The following SLC10A2 variants were observed in gnomAD, a reference collection of about 807,000 sequenced individuals.
SLC10A2 encodes solute carrier family 10 member 2.
Under a neutral mutation model 27.1 loss-of-function variants are expected in SLC10A2, and 34 were observed. The observed-to-expected ratio is 1.26, with a 90% CI of 0.96 to 1.67. The LOEUF is 1.67. Ranked by LOEUF, SLC10A2 falls within the 40% of genes most tolerant of loss-of-function variation. The pLI, the probability that SLC10A2 is intolerant of heterozygous loss-of-function variation, is 0.00. For synonymous variants in SLC10A2, 205 were observed against 174.0 expected, an observed-to-expected ratio of 1.18 and a Z score of -1.40; for missense variants, 530 against 444.4, an observed-to-expected ratio of 1.19 and a Z score of -1.73.
At chr13:103,057,794 G>T (rs1875983151) in intron 2 of SLC10A2, among the ~76,000 whole-genome samples, 2 of 152,026 alleles carry the variant, frequency 1.3e-5, no homozygotes, top group Admixed American at 6.5e-5. Flanking sequence ...CAGGAGAATT[G>T]CTTGAACCCA....
rs115332419 is a variant in SLC10A2 at position 103,057,494 on chromosome 13, G to A, written c.496+770C>T. 5.5e-3 allele frequency among the ~76,000 whole-genome samples: 831 copies of A among 152,314 alleles called. 8 individuals are homozygous for A. The highest frequency in any genetic ancestry group is 0.019 in the African/African-American group (795 of 41,558). On this transcript the variant is annotated intron_variant, in intron 2 of 5. Coordinates refer to ENST00000245312, the MANE Select transcript of SLC10A2 (RefSeq NM_000452.3). ...GTCAAGGTGTGGCTCACAGTCGAGT[G>A]TTAGAAACAGTGTGTTTCGTCTAGC...
chr13:103,051,625 G>A (rs1276850483), intron 3 of SLC10A2, among the ~76,000 whole-genome samples, 193 bp from the exon 4 acceptor site: 2 of 152,180 alleles, frequency 1.3e-5, no homozygotes, highest in African/African-American at 2.4e-5. Flanking sequence ...CATGCTTTAA[G>A]CTTTAAGAAC....
intron 2 of SLC10A2, among the ~76,000 whole-genome samples, chr13:103,057,488 T>C (rs1227757974): frequency 6.6e-6 from 1 of 152,226 alleles, no homozygotes; most frequent in Non-Finnish European, 1.5e-5. Context: ...TGGCTCACAG[T>C]CGAGTGTTAG....
At position 103,052,720 on chromosome 13, in the gene SLC10A2, A is replaced by G. The variant is rs1159629725; in HGVS notation, c.497-12T>C. 2 of 1,510,762 alleles carry G rather than the reference A, an allele frequency of 1.3e-6. No individual in the cohort carries two copies. Among genetic ancestry groups the G allele is most frequent in the African/African-American group, 1.4e-5 (1 of 72,756 alleles). The allele number at this position is 1,510,762 out of a possible 1,614,324, so 93.6% of individuals were successfully genotyped here. ...AACCAGAGATGTACCTAAAGATGAC[A>G]GAAGGGCAATGTGATCAGCAGAACA... On this transcript the variant is annotated splice_polypyrimidine_tract_variant and intron_variant, in intron 2 of 5. Coordinates refer to ENST00000245312, the MANE Select transcript of SLC10A2 (RefSeq NM_000452.3).
intron 3 of SLC10A2, among the ~76,000 whole-genome samples, chr13:103,051,876 G>A (rs1387288172): frequency 6.6e-6 from 1 of 152,130 alleles, no homozygotes; most frequent in Non-Finnish European, 1.5e-5. Context: ...TTACGATAAT[G>A]AGAAAATGGG....
chr13:103,046,028 T>A lies in SLC10A2; in HGVS notation c.*105A>T. On this transcript the variant is annotated 3_prime_UTR_variant, in exon 6 of 6. Transcript: ENST00000245312. The stretch of plus-strand genomic sequence containing the variant: ...ATGAATTCCAATGAAATTCCAATTT[T>A]CACTTTAACTCTTTTCTGCCAACTG... The A allele has an allele frequency of 1.4e-6, 2 of 1,414,196 alleles. No individual in the cohort carries two copies. The highest frequency in any genetic ancestry group is 2.0e-6 in the Non-Finnish European group (2 of 1,010,458). The allele number at this position is 1,414,196 out of a possible 1,614,324, so 87.6% of individuals were successfully genotyped here.
rs906258398 is a variant in SLC10A2, at chr13:103,047,036, T to C, written c.920-776A>G. ...ATCTGATTTTTCTTCTACTTCTCAA[T>C]TGGTCACAAAGGCAAGAGGAGGACA... On this transcript the variant is annotated intron_variant, in intron 5 of 5. Coordinates refer to ENST00000245312, the MANE Select transcript of SLC10A2 (RefSeq NM_000452.3). Among the ~76,000 whole-genome samples, 33 of 152,308 alleles carry C rather than the reference T, an allele frequency of 2.2e-4. 1 individual carries two copies. The highest frequency in any genetic ancestry group is 2.1e-4 in the South Asian group (1 of 4,824).
intron 4 of SLC10A2, 51 bp from the exon 5 acceptor site, chr13:103,049,497 A>G: frequency 6.3e-7 from 1 of 1,589,718 alleles, no homozygotes. Flanking sequence ...GTTATTGTGA[A>G]ACATGAAAAG....
At chr13:103,056,240 G>T (rs1347377206) in intron 2 of SLC10A2, among the ~76,000 whole-genome samples, 2 of 152,172 alleles carry the variant, frequency 1.3e-5, no homozygotes, top group Non-Finnish European at 2.9e-5. Flanking sequence ...TGAGGAACAA[G>T]TATTCTGTTT....
At position 103,045,875 on chromosome 13, in the gene SLC10A2, G is replaced by C; in HGVS notation, c.*258C>G. The C allele has an allele frequency of 3.3e-6, 1 of 299,082 alleles. No individual in the cohort carries two copies. The allele number at this position is 299,082 out of a possible 1,614,324, so 18.5% of individuals were successfully genotyped here. The stretch of plus-strand genomic sequence containing the variant: ...GGTTTAGTCTGAGAATATTTTGGGG[G>C]AATATTTCAATGACAATATATCTAT... On this transcript the variant is annotated 3_prime_UTR_variant, in exon 6 of 6. Transcript: ENST00000245312.
chr13:103,061,187 G>A (rs893100346), intron 1 of SLC10A2, among the ~76,000 whole-genome samples: 30 of 146,844 alleles, frequency 2.0e-4, no homozygotes, highest in African/African-American at 7.7e-4. Context: ...GGTAAATTTA[G>A]GCATGAAATA....
Position 103,065,971 on chromosome 13 carries a change from G to C in SLC10A2, c.279C>G (p.Leu93=). Residue 93 remains leucine, a synonymous_variant, in exon 1 of 6, where the codon CTC becomes CTG. Transcript: ENST00000245312. ...GFILSVAFDI[L]PLQAVVVLII... ...TGAGCACCACTACGGCCTGGAGCGG[G>C]AGGATGTCAAAGGCCACCGACAGGA... 1 of 1,614,146 alleles carries C rather than the reference G, an allele frequency of 6.2e-7. No individual in the cohort carries two copies.
At chr13:103,059,234 T>C (rs1876030565) in intron 1 of SLC10A2, among the ~76,000 whole-genome samples, 1 of 152,232 alleles carries the variant, frequency 6.6e-6, no homozygotes, top group Admixed American at 6.5e-5. Context: ...TTTCATATGA[T>C]TGTTGGCTGC....
At chr13:103,062,923 T>G (rs1595443004) in intron 1 of SLC10A2, among the ~76,000 whole-genome samples, 1 of 152,136 alleles carries the variant, frequency 6.6e-6, no homozygotes, top group East Asian at 1.9e-4. Context: ...TTAAGAAGGA[T>G]GAAGACACCG....
intron 5 of SLC10A2, 58 bp from the exon 6 acceptor site, chr13:103,046,318 C>T: frequency 6.6e-6 from 9 of 1,368,634 alleles, no homozygotes; most frequent in African/African-American, 1.5e-5. Flanking sequence ...TGCAAAATTA[C>T]TTTGCATAGA....
In SLC10A2 at chr13:103,045,957, C is replaced by T; in HGVS notation, c.*176G>A. On this transcript the variant is annotated 3_prime_UTR_variant, in exon 6 of 6. Transcript: ENST00000245312. ...ATATATATAGGAAACAATATTTGTC[C>T]CATTAAAGAATTGGGCCACCAGTCA... The T allele has an allele frequency of 3.2e-6, 2 of 619,832 alleles. No individual in the cohort carries two copies. Among genetic ancestry groups the T allele is most frequent in the Non-Finnish European group, 5.7e-6 (2 of 353,322 alleles). The allele number at this position is 619,832 out of a possible 1,614,324, so 38.4% of individuals were successfully genotyped here.
intron 2 of SLC10A2, among the ~76,000 whole-genome samples, chr13:103,054,830 T>C (rs1463368256): frequency 6.6e-6 from 1 of 152,144 alleles, no homozygotes; most frequent in Non-Finnish European, 1.5e-5. Context: ...TCCAGTGGGC[T>C]GGTGATCTTG....
chr13:103,058,028 G>T (rs1181489715), intron 2 of SLC10A2, among the ~76,000 whole-genome samples: 3 of 152,148 alleles, frequency 2.0e-5, no homozygotes, highest in African/African-American at 7.2e-5. Context: ...TGGGGAGGGG[G>T]CTCCTTTCCC....
chr13:103,058,665 G>A lies in SLC10A2; in HGVS notation c.378-283C>T, dbSNP rs570041173. ...TGTGTTCCCCTCTATGTGTCCATGC[G>A]TTCTCATCATTTAGCTCCCACTTAT... On this transcript the variant is annotated intron_variant, in intron 1 of 5. Transcript: ENST00000245312. Among the ~76,000 whole-genome samples, 8 of 152,092 alleles carry A rather than the reference G, an allele frequency of 5.3e-5. No individual in the cohort carries two copies. The East Asian group carries it at 9.7e-4, about 18-fold the overall frequency.
Sources: gnomAD v4.1 joint callset for allele counts (sites outside exome capture counted in the v4.1 genomes callset) on GRCh38, gnomAD v4.1.1 for gene constraint, MANE v1.5 for transcripts, NCBI Gene and HGNC (gene_info 2026-07-23, HGNC 2026-07-21) for gene names.